ZNF772: variants seen among roughly 807,000 people sequenced by gnomAD.
ZNF772 encodes the protein zinc finger protein 772.
In ZNF772, 8 loss-of-function variants were observed where a neutral mutation model predicts 11.0. The ratio of observed to expected loss-of-function variants is 0.73; its 90% CI spans 0.43 to 1.31. The LOEUF is 1.31. ZNF772 is among the 50% of genes most tolerant of loss of function. The pLI, the probability that ZNF772 is intolerant of heterozygous loss-of-function variation, is 0.01. For missense variants in ZNF772, 496 were observed against 552.3 expected (o/e 0.90, Z 1.02); for synonymous variants, 155 against 180.4 (o/e 0.86, Z 1.13).
In ZNF772 at chr19:57,473,025, C is replaced by G. The variant is rs2089233275; in HGVS notation, c.*249G>C. On this transcript the variant is annotated 3_prime_UTR_variant, in exon 4 of 4. Transcript: ENST00000356584. ...GGTTACTTTGGCACAAGGCAGGACT[C>G]TTCCAGCACAAAGACAGATGGCTTC... The G allele has an allele frequency of 5.5e-6, 3 of 541,024 alleles. No individual in the cohort carries two copies. Among genetic ancestry groups the G allele is most frequent in the South Asian group, 2.7e-5 (1 of 37,606 alleles). 33.5% of individuals were successfully genotyped at this position (541,024 alleles called of 1,614,324 possible).
rs746740576 is a variant in ZNF772, at chr19:57,474,189, T to G, written c.432A>C (p.Ala144=). 2.5e-5 allele frequency: 40 copies of G among 1,614,070 alleles called. No individual in the cohort carries two copies. In the East Asian group the frequency reaches 6.7e-4, roughly 27 times the overall value. The part of the protein sequence containing the change: ...VLCGKQFCFS[A]NLHQHQKQHS... ...GCTGCTTCTGGTGCTGGTGAAGGTT[T>G]GCACTGAAGCAGAACTGTTTCCCAC... Residue 144 remains alanine (A), a synonymous_variant, in exon 4 of 4, where the codon GCA becomes GCC. Transcript: ENST00000356584.
In ZNF772 at chr19:57,472,123, G is replaced by A. The variant is rs1252802032; in HGVS notation, c.*1151C>T. On this transcript the variant is annotated 3_prime_UTR_variant, in exon 4 of 4. Coordinates refer to ENST00000356584, the MANE Select transcript of ZNF772 (RefSeq NM_001144068.2). The stretch of plus-strand genomic sequence containing the variant: ...TGTAAACCCTCATAATGGAGCCAGA[G>A]TAATGGAAACACATGTGGATGTACC... 1.1e-5 allele frequency: 5 copies of A among 456,182 alleles called. No individual in the cohort carries two copies. In the East Asian group the frequency reaches 3.5e-4, roughly 32 times the overall value. 28.3% of individuals were successfully genotyped at this position (456,182 alleles called of 1,614,324 possible).
rs1164016922 is a variant in ZNF772 at position 57,474,298 on chromosome 19, C to T, written c.323G>A (p.Cys108Tyr). ...CAAAATGTCTTTTAAGACCAGGCCACATGTCCCACAGGGGTAAGCCTTCTG... is the reference window on the plus strand; with the variant it reads ...CAAAATGTCTTTTAAGACCAGGCCATATGTCCCACAGGGGTAAGCCTTCTG... The part of the protein sequence containing the change: ...STQKAYPCGT[C>Y]GLVLKDILHL... Residue 108 changes from cysteine (C) to tyrosine (Y), a missense_variant, in exon 4 of 4, where the codon TGT becomes TAT. Transcript: ENST00000356584. 1 of 1,614,186 alleles carries T rather than the reference C, an allele frequency of 6.2e-7. No individual in the cohort carries two copies. The highest frequency in any genetic ancestry group is 8.5e-7 in the Non-Finnish European group (1 of 1,180,050).
In ZNF772 at chr19:57,475,946, C is replaced by T. The variant is rs2089279207; in HGVS notation, c.73-160G>A. 6.6e-6 allele frequency among the ~76,000 whole-genome samples: 1 copy of T among 152,178 alleles called. No homozygotes were observed. Among genetic ancestry groups the T allele is most frequent in the South Asian group, 2.1e-4 (1 of 4,828 alleles). ...TTGGTGTCTTCTCTCGCCTCATGGT[C>T]CCAATGGATCACTGTGTCTACCCAT... On this transcript the variant is annotated intron_variant, in intron 2 of 3. Coordinates refer to ENST00000356584, the MANE Select transcript of ZNF772 (RefSeq NM_001144068.2). This position sits in a 1 kb window ranked among gnomAD's most constrained non-coding sequence, Gnocchi z 4.2.
At position 57,475,308 on chromosome 19, in the gene ZNF772, A is replaced by T. The variant is rs1174425612; in HGVS notation, c.199+352T>A. Among the ~76,000 whole-genome samples the T allele has an allele frequency of 1.3e-5, 2 of 152,230 alleles. No homozygotes were observed. The highest frequency in any genetic ancestry group is 4.8e-5 in the African/African-American group (2 of 41,464). On this transcript the variant is annotated intron_variant, in intron 3 of 3. Transcript: ENST00000356584. This position sits in a 1 kb window ranked among gnomAD's most constrained non-coding sequence, Gnocchi z 4.2. ...TTCCTGACATAGGCAGGCCACAGGA[A>T]ATGTCAGCTAAAGGAAGAGCGCAGA...
rs1311331600 is a variant in ZNF772 at position 57,477,513 on chromosome 19, G to A, written c.-204C>T. The A allele has an allele frequency of 5.6e-6, 3 of 532,430 alleles. No individual in the cohort carries two copies. The highest frequency in any genetic ancestry group is 6.7e-5 in the East Asian group (2 of 29,668). The allele number at this position is 532,430 out of a possible 1,614,324, so 33.0% of individuals were successfully genotyped here. On this transcript the variant is annotated 5_prime_UTR_variant, in exon 1 of 4. Transcript: ENST00000356584. ...ATTGCGTTCTGGAAACTAAACCAGT[G>A]GATTAATGGAAAAGCAAACAAAATG...
Position 57,473,245 on chromosome 19 carries a change from T to C in ZNF772, c.*29A>G. 6 of 1,588,690 alleles carry C rather than the reference T, an allele frequency of 3.8e-6. No homozygotes were observed. Among genetic ancestry groups the C allele is most frequent in the South Asian group, 1.1e-5 (1 of 87,646 alleles). The stretch of plus-strand genomic sequence containing the variant: ...TTCTCTCTGATGTCAGTTATTATGT[T>C]GAACAAGGAAACGGAATTATCTCCC... On this transcript the variant is annotated 3_prime_UTR_variant, in exon 4 of 4. Transcript: ENST00000356584.
rs1225248542 is a variant in ZNF772, at chr19:57,475,242, G to A, written c.199+418C>T. Reference sequence around the variant, plus strand: ...CAGAGTAAGGTCTTGCAGGAATAGTGCAGTGGTCCTAGCAAGTAGCGACCA... The same window carrying A: ...CAGAGTAAGGTCTTGCAGGAATAGTACAGTGGTCCTAGCAAGTAGCGACCA... On this transcript the variant is annotated intron_variant, in intron 3 of 3. Coordinates refer to ENST00000356584, the MANE Select transcript of ZNF772 (RefSeq NM_001144068.2). This position sits in a 1 kb window ranked among gnomAD's most constrained non-coding sequence, Gnocchi z 4.2. 6 of 1,468,856 alleles carry A rather than the reference G, an allele frequency of 4.1e-6. No homozygotes were observed. The highest frequency in any genetic ancestry group is 1.3e-5 in the South Asian group (1 of 79,970). The allele number at this position is 1,468,856 out of a possible 1,614,324, so 91.0% of individuals were successfully genotyped here. A position where few individuals can be genotyped will look rare whatever the true frequency, so the allele number is the denominator to read the frequency against.
Position 57,472,183 on chromosome 19 carries a change from G to GT in ZNF772, c.*1090dup, listed in dbSNP as rs1173015052. The stretch of plus-strand genomic sequence containing the variant: ...GTCATATTCCCTATAGTTTGCTGCA[G>GT]TTTTCTCATTCCTTTATTAATCTGG... On this transcript the variant is annotated 3_prime_UTR_variant, in exon 4 of 4. Transcript: ENST00000356584. 4.4e-6 allele frequency: 2 copies of GT among 455,960 alleles called. No homozygotes were observed. Among genetic ancestry groups the GT allele is most frequent in the African/African-American group, 4.0e-5 (2 of 50,040 alleles). 28.2% of individuals were successfully genotyped at this position (455,960 alleles called of 1,614,324 possible). A position where few individuals can be genotyped will look rare whatever the true frequency, so the allele number is the denominator to read the frequency against.
In ZNF772 at chr19:57,473,841, T is replaced by C. The variant is rs755008166; in HGVS notation, c.780A>G (p.Lys260=). 1.4e-5 allele frequency: 23 copies of C among 1,613,130 alleles called. No homozygotes were observed. Among genetic ancestry groups the C allele is most frequent in the Non-Finnish European group, 1.9e-5 (23 of 1,179,684 alleles). Residue 260 remains lysine, a synonymous_variant, in exon 4 of 4, where the codon AAA becomes AAG. Transcript: ENST00000356584. ...ERPYECGECG[K]TFSRKPILAQ... ...CAAGTATGGGTTTGCGGCTAAAGGT[T>C]TTCCCACATTCACCGCACTCATAAG...
At chr19:57,474,474 G>A in intron 3 of ZNF772, 53 bp from the exon 4 acceptor site, 2 of 1,542,462 alleles carry the variant, frequency 1.3e-6, no homozygotes. Context: ...TGGAAGAGGG[G>A]AAGCCTCACT....
rs1398592035 is a variant in ZNF772 at position 57,470,901 on chromosome 19, C to T, written c.*2373G>A. 1.3e-5 allele frequency: 2 copies of T among 152,106 alleles called. No individual in the cohort carries two copies. The highest frequency in any genetic ancestry group is 2.4e-5 in the African/African-American group (1 of 41,414). 9.4% of individuals were successfully genotyped at this position (152,106 alleles called of 1,614,324 possible). On this transcript the variant is annotated 3_prime_UTR_variant, in exon 4 of 4. Transcript: ENST00000356584. The stretch of plus-strand genomic sequence containing the variant: ...ATGTATATATAACTAGTATAGCCCT[C>T]CATCTACCATGGAAATCAAACTTGT...
chr19:57,471,093 C>T lies in ZNF772; in HGVS notation c.*2181G>A, dbSNP rs775404561. The T allele has an allele frequency of 4.6e-5, 7 of 152,152 alleles. 1 individual carries two copies. Among genetic ancestry groups the T allele is most frequent in the Non-Finnish European group, 7.4e-5 (5 of 68,006 alleles). 9.4% of individuals were successfully genotyped at this position (152,152 alleles called of 1,614,324 possible). On this transcript the variant is annotated 3_prime_UTR_variant, in exon 4 of 4. Transcript: ENST00000356584. The stretch of plus-strand genomic sequence containing the variant: ...ACAAACTCCAGGCCCAGACAGCTTC[C>T]TTGGTGAATTCTACCAAACATTTAA...
chr19:57,477,365 T>C lies in ZNF772; in HGVS notation c.-56A>G. The C allele has an allele frequency of 1.2e-6, 2 of 1,604,914 alleles. No homozygotes were observed. The highest frequency in any genetic ancestry group is 1.7e-6 in the Non-Finnish European group (2 of 1,174,230). On this transcript the variant is annotated 5_prime_UTR_variant, in exon 1 of 4. Transcript: ENST00000356584. ...AAGTGCAGGAACCTGGGATCAGCTG[T>C]CCAGGGCCCAGCCCAGCGGCTAGGT... is the stretch of plus-strand genomic sequence containing the variant.
chr19:57,475,274 T>C lies in ZNF772; in HGVS notation c.199+386A>G, dbSNP rs1283506373. ...TCCTAGCAAGTAGCGACCATAATGG[T>C]CCCTACAATTCCTGACATAGGCAGG... On this transcript the variant is annotated intron_variant, in intron 3 of 3. Coordinates refer to ENST00000356584, the MANE Select transcript of ZNF772 (RefSeq NM_001144068.2). The surrounding 1 kb of genome is among the most constrained non-coding windows in gnomAD (Gnocchi z 4.2). 3 of 1,175,522 alleles carry C rather than the reference T, an allele frequency of 2.6e-6. No homozygotes were observed. Among genetic ancestry groups the C allele is most frequent in the Non-Finnish European group, 3.5e-6 (3 of 847,718 alleles). The allele number at this position is 1,175,522 out of a possible 1,614,324, so 72.8% of individuals were successfully genotyped here.
Position 57,474,061 on chromosome 19 carries a change from C to T in ZNF772, c.560G>A (p.Cys187Tyr). The T allele has an allele frequency of 1.2e-6, 2 of 1,614,142 alleles. No homozygotes were observed. The highest frequency in any genetic ancestry group is 1.7e-6 in the Non-Finnish European group (2 of 1,179,992). Reference sequence around the variant, plus strand: ...GCTTGAGCTGGCTAGGAAGTCCTTACAAGCCTCCCCTGTCACAAAAGACAT... The same window carrying T: ...GCTTGAGCTGGCTAGGAAGTCCTTATAAGCCTCCCCTGTCACAAAAGACAT... Reference protein sequence around the residue: ...MEMSFVTGEACKDFLASSSIF... With the variant: ...MEMSFVTGEAYKDFLASSSIF... Residue 187 changes from cysteine to tyrosine, a missense_variant, in exon 4 of 4, where the codon TGT (cysteine) becomes TAT (tyrosine). Transcript: ENST00000356584.
Position 57,471,473 on chromosome 19 carries a change from A to G in ZNF772, c.*1801T>C, listed in dbSNP as rs2089213292. 2 of 152,268 alleles carry G rather than the reference A, an allele frequency of 1.3e-5. No homozygotes were observed. The highest frequency in any genetic ancestry group is 1.3e-4 in the Admixed American group (2 of 15,292). 9.4% of individuals were successfully genotyped at this position (152,268 alleles called of 1,614,324 possible). ...AATCAGTCAATGTAATTCATATTAA[A>G]CAACTAAAACAGAAAAAGAAAAAAA... is the stretch of plus-strand genomic sequence containing the variant. On this transcript the variant is annotated 3_prime_UTR_variant, in exon 4 of 4. Transcript: ENST00000356584.
At position 57,471,297 on chromosome 19, in the gene ZNF772, C is replaced by T. The variant is rs920381778; in HGVS notation, c.*1977G>A. Reference sequence around the variant, plus strand: ...GAAAGAAAGTTAGGGACAAATATCACTCGTGAACATTGGTGCAAAACTTGT... The same window carrying T: ...GAAAGAAAGTTAGGGACAAATATCATTCGTGAACATTGGTGCAAAACTTGT... On this transcript the variant is annotated 3_prime_UTR_variant, in exon 4 of 4. Coordinates refer to ENST00000356584, the MANE Select transcript of ZNF772 (RefSeq NM_001144068.2). The T allele has an allele frequency of 1.3e-5, 2 of 151,660 alleles. No individual in the cohort carries two copies. The highest frequency in any genetic ancestry group is 2.9e-5 in the Non-Finnish European group (2 of 67,994). 9.4% of individuals were successfully genotyped at this position (151,660 alleles called of 1,614,324 possible). A position where few individuals can be genotyped will look rare whatever the true frequency, so the allele number is the denominator to read the frequency against.
rs2123155628 is a variant in ZNF772, at chr19:57,475,202, T to A, written c.199+458A>T. On this transcript the variant is annotated intron_variant, in intron 3 of 3. Transcript: ENST00000356584. This position sits in a 1 kb window ranked among gnomAD's most constrained non-coding sequence, Gnocchi z 4.2. Reference sequence around the variant, plus strand: ...GGTAACCCATATAGAAAACTAAATATTATTAAAATAATCTCAGAGTAAGGT... The same window carrying A: ...GGTAACCCATATAGAAAACTAAATAATATTAAAATAATCTCAGAGTAAGGT... 1 of 1,595,852 alleles carries A rather than the reference T, an allele frequency of 6.3e-7. No individual in the cohort carries two copies. The highest frequency in any genetic ancestry group is 2.2e-5 in the East Asian group (1 of 44,578).
Sources: gnomAD v4.1 joint callset for allele counts (sites outside exome capture counted in the v4.1 genomes callset) on GRCh38, gnomAD v4.1.1 for gene constraint, Gnocchi (gnomAD v3.1) non-coding constraint, MANE v1.5 for transcripts, NCBI Gene and HGNC (gene_info 2026-07-23, HGNC 2026-07-21) for gene names.